ACE: variants seen among roughly 807,000 people sequenced by gnomAD.
ACE encodes angiotensin I converting enzyme.
A neutral mutation model predicts 162.3 loss-of-function variants in ACE; 122 were observed. That is an observed-to-expected ratio of 0.75 (90% CI 0.65 to 0.87). The LOEUF is 0.87. Ranked by LOEUF, ACE falls within the 40% of genes least tolerant of loss-of-function variation. The pLI, the probability that ACE is intolerant of heterozygous loss-of-function variation, is 0.00. For missense variants in ACE, 1,799 were observed against 1,735.1 expected (o/e 1.04, Z -0.65); for synonymous variants, 796 against 720.6 (o/e 1.10, Z -1.68).
chr17:63,497,816 T>G lies in ACE; in HGVS notation c.*450T>G. ...CCCTCCAGCCCAGGCAGCCCGCCAC[T>G]GTCCTGCCACCGCAGGCAGCCCCTG... On this transcript the variant is annotated 3_prime_UTR_variant, in exon 25 of 25. Transcript: ENST00000290866. 2.9e-6 allele frequency: 1 copy of G among 341,384 alleles called. No homozygotes were observed. The allele number at this position is 341,384 out of a possible 1,614,324, so 21.1% of individuals were successfully genotyped here. A position where few individuals can be genotyped will look rare whatever the true frequency, so the allele number is the denominator to read the frequency against.
In ACE at chr17:63,494,215, G is replaced by A. The variant is rs573640094; in HGVS notation, c.3281+149G>A. On this transcript the variant is annotated intron_variant, in intron 21 of 24. Coordinates refer to ENST00000290866, the MANE Select transcript of ACE (RefSeq NM_000789.4). ...ATATGATGTGTGTGGTGTAAGTGATGGGGAAAACGGGGTGATTGTGCACAG... is the reference window on the plus strand; with the variant it reads ...ATATGATGTGTGTGGTGTAAGTGATAGGGAAAACGGGGTGATTGTGCACAG... 1.2e-4 allele frequency: 154 copies of A among 1,312,594 alleles called. 2 individuals carry two copies. The South Asian group carries it at 1.8e-3, about 16-fold the overall frequency. 81.3% of individuals were successfully genotyped at this position (1,312,594 alleles called of 1,614,324 possible).
chr17:63,485,131 G>GA, intron 12 of ACE, 105 bp from the exon 13 acceptor site: 1 of 1,582,590 alleles, frequency 6.3e-7, no homozygotes, highest in Non-Finnish European at 8.6e-7. Flanking sequence ...GTAGGGACAG[G>GA]GCAGGGTACA....
At chr17:63,489,247 C>T (rs980764866) in intron 17 of ACE, 115 bp downstream of exon 17, 3 of 1,320,920 alleles carry the variant, frequency 2.3e-6, no homozygotes, top group African/African-American at 2.9e-5. Context: ...AGACTCCAGC[C>T]CTGTGGGGGA....
At chr17:63,486,817 CAA>C (rs1199568213) in intron 14 of ACE, 102 bp downstream of exon 14, 2 of 1,533,236 alleles carry the variant, frequency 1.3e-6, no homozygotes, top group Admixed American at 3.4e-5. Context: ...CTCGTTGTAT[CAA>C]GTCATGGCAT....
chr17:63,494,416 G>T lies in ACE; in HGVS notation c.3326G>T (p.Gly1109Val), dbSNP rs768468260. 3 of 1,614,208 alleles carry T rather than the reference G, an allele frequency of 1.9e-6. No homozygotes were observed. Among genetic ancestry groups the T allele is most frequent in the Non-Finnish European group, 2.5e-6 (3 of 1,180,038 alleles). The change falls in exon 22 of 25, where the codon GGT (glycine) becomes GTT (valine). Residue 1109 changes from glycine (G) to valine (V), a missense_variant. By Grantham distance (109) the Gly-to-Val change is moderately radical. Coordinates refer to ENST00000290866, the MANE Select transcript of ACE (RefSeq NM_000789.4). ...TGCCCCCCAGTGCCCAGGACTCAAGGTGACTTTGACCCAGGGGCCAAGTTC... is the reference window on the plus strand; with the variant it reads ...TGCCCCCCAGTGCCCAGGACTCAAGTTGACTTTGACCCAGGGGCCAAGTTC... ...GLCPPVPRTQ[G>V]DFDPGAKFHI...
In ACE at chr17:63,493,428, A is replaced by C. The variant is rs372489161; in HGVS notation, c.2913-8A>C. ...CCAACACCCTCTCCCCCACTCCACT[A>C]TTCCTAGGATCAAGCAGTGCACCAC... On this transcript the variant is annotated splice_polypyrimidine_tract_variant and splice_region_variant and intron_variant, in intron 19 of 24. Coordinates refer to ENST00000290866, the MANE Select transcript of ACE (RefSeq NM_000789.4). 2 of 1,612,798 alleles carry C rather than the reference A, an allele frequency of 1.2e-6. No homozygotes were observed. Among genetic ancestry groups the C allele is most frequent in the Admixed American group, 3.3e-5 (2 of 60,016 alleles).
chr17:63,489,548 C>T (rs952679883), intron 17 of ACE, among the ~76,000 whole-genome samples: 8 of 152,088 alleles, frequency 5.3e-5, no homozygotes, highest in African/African-American at 1.4e-4. Flanking sequence ...AGAGGACAGA[C>T]GCAGTGTTCA....
Position 63,493,583 on chromosome 17 carries a change from C to T in ACE, c.3060C>T (p.Asp1020=), listed in dbSNP as rs373427509. 1.4e-4 allele frequency: 221 copies of T among 1,614,062 alleles called. No individual in the cohort carries two copies. Among genetic ancestry groups the T allele is most frequent in the Non-Finnish European group, 1.8e-4 (208 of 1,180,032 alleles). ...ANPGFHEAIG[D]VLALSVSTPK... is the part of the protein sequence containing the mutation. ...CCGGCTTCCATGAGGCCATTGGGGA[C>T]GTGCTAGCCCTCTCAGTGTCTACGC... Residue 1020 remains aspartate (D), a synonymous_variant, in exon 20 of 25, where the codon GAC becomes GAT. Coordinates refer to ENST00000290866, the MANE Select transcript of ACE (RefSeq NM_000789.4).
In ACE at chr17:63,483,613, TCTC is replaced by T. The variant is rs973248305; in HGVS notation, c.1586+61_1586+63del. 213 of 1,162,848 alleles carry T rather than the reference TCTC, an allele frequency of 1.8e-4. 1 individual carries two copies. The South Asian group carries it at 2.0e-3, about 11-fold the overall frequency. The allele number at this position is 1,162,848 out of a possible 1,614,324, so 72.0% of individuals were successfully genotyped here. ...AGTACTGTCACACCCTCAATCCACT[TCTC>T]CTCCTGTGATCCTAGCTGCCTCATC... On this transcript the variant is annotated intron_variant, in intron 10 of 24. Transcript: ENST00000290866.
chr17:63,478,686 T>G, intron 2 of ACE: 1 of 426,540 alleles, frequency 2.3e-6, no homozygotes. Flanking sequence ...AGAGAAAAGG[T>G]TGAGAAAGAC....
At position 63,479,929 on chromosome 17, in the gene ACE, C is replaced by G. The variant is rs755497463; in HGVS notation, c.655+17C>G. 6.2e-7 allele frequency: 1 copy of G among 1,602,242 alleles called. No homozygotes were observed. The highest frequency in any genetic ancestry group is 1.1e-5 in the South Asian group (1 of 90,156). On this transcript the variant is annotated intron_variant, in intron 4 of 24. Transcript: ENST00000290866. ...AGCAGGACGGTGAGCAGGCCTCTCCCTGTCCAGGAACCACGCCAGGTGTCC... is the reference window on the plus strand; with the variant it reads ...AGCAGGACGGTGAGCAGGCCTCTCCGTGTCCAGGAACCACGCCAGGTGTCC...
At chr17:63,477,817 C>T (rs1210404602) in intron 1 of ACE, 114 bp from the exon 2 acceptor site, 1 of 1,357,698 alleles carries the variant, frequency 7.4e-7, no homozygotes, top group Admixed American at 2.1e-5. Flanking sequence ...TCCCCAGGGC[C>T]CGGGCTCTGG....
Position 63,493,543 on chromosome 17 carries a change from G to A in ACE, c.3020G>A (p.Arg1007Lys), listed in dbSNP as rs747362596. 1 of 1,614,176 alleles carries A rather than the reference G, an allele frequency of 6.2e-7. No homozygotes were observed. The highest frequency in any genetic ancestry group is 8.5e-7 in the Non-Finnish European group (1 of 1,180,050). ...TACAAAGACTTACCTGTGGCCTTGA[G>A]GGAGGGTGCCAACCCCGGCTTCCAT... ...MQYKDLPVAL[R>K]EGANPGFHEA... The change falls in exon 20 of 25, where the codon AGG becomes AAG. Residue 1007 changes from arginine to lysine, a missense_variant. Transcript: ENST00000290866.
At chr17:63,494,709 A>G (rs1445870995) in intron 22 of ACE, among the ~76,000 whole-genome samples, 1 of 152,230 alleles carries the variant, frequency 6.6e-6, no homozygotes, top group Non-Finnish European at 1.5e-5. Flanking sequence ...TCAACCTAAT[A>G]ATTGGCTAAT....
rs1462677061 is a variant in ACE at position 63,478,988 on chromosome 17, C to A, written c.418-19C>A. On this transcript the variant is annotated intron_variant, in intron 2 of 24. Coordinates refer to ENST00000290866, the MANE Select transcript of ACE (RefSeq NM_000789.4). Reference sequence around the variant, plus strand: ...CCAGGGGCTGGTCACTGGAGCATTCCTCCCCTCTGACTCCCCAGTACAACG... The same window carrying A: ...CCAGGGGCTGGTCACTGGAGCATTCATCCCCTCTGACTCCCCAGTACAACG... 1.2e-6 allele frequency: 2 copies of A among 1,606,944 alleles called. No homozygotes were observed. Among genetic ancestry groups the A allele is most frequent in the Non-Finnish European group, 1.7e-6 (2 of 1,174,832 alleles).
rs1243749510 is a variant in ACE at position 63,484,292 on chromosome 17, G to A, written c.1710-38G>A. ...GGGGTCCAGGAGCAGACTCCAGCCT[G>A]AGTCCCCTGTGCCCATGGTACCCAC... On this transcript the variant is annotated intron_variant, in intron 11 of 24. Transcript: ENST00000290866. This position sits in a 1 kb window ranked among gnomAD's most constrained non-coding sequence, Gnocchi z 4.0. 26 of 1,590,868 alleles carry A rather than the reference G, an allele frequency of 1.6e-5. No homozygotes were observed. The Admixed American group carries it at 4.3e-4, about 26-fold the overall frequency.
In ACE at chr17:63,480,339, T is replaced by G. The variant is rs772619837; in HGVS notation, c.658T>G (p.Phe220Val). 1 of 1,613,696 alleles carries G rather than the reference T, an allele frequency of 6.2e-7. No homozygotes were observed. The highest frequency in any genetic ancestry group is 2.2e-5 in the East Asian group (1 of 44,890). The change falls in exon 5 of 25, where the codon TTC becomes GTC. Residue 220 changes from phenylalanine (F) to valine (V), a missense_variant and splice_region_variant. By Grantham distance (50) the Phe-to-Val change is conservative. Coordinates refer to ENST00000290866, the MANE Select transcript of ACE (RefSeq NM_000789.4). Reference sequence around the variant, plus strand: ...ATACCTCACCCCCACGCCCCCAGGCTTCACAGACACGGGGGCCTACTGGCG... The same window carrying G: ...ATACCTCACCCCCACGCCCCCAGGCGTCACAGACACGGGGGCCTACTGGCG... ...LSNEAYKQDG[F>V]TDTGAYWRSW... is the part of the protein sequence containing the mutation.
rs769230286 is a variant in ACE at position 63,483,876 on chromosome 17, C to G, written c.1614C>G (p.Phe538Leu). The stretch of plus-strand genomic sequence containing the variant: ...ACTTTGTGAGTTTTGTCCTGCAGTT[C>G]CAGTTCCATGAAGCCCTGTGCAAGG... ...IRYFVSFVLQ[F>L]QFHEALCKEA... is the part of the protein sequence containing the mutation. The change falls in exon 11 of 25, where the codon TTC (phenylalanine) becomes TTG (leucine). Residue 538 changes from phenylalanine to leucine, a missense_variant. Phe to Leu is a conservative substitution (Grantham distance 22). Coordinates refer to ENST00000290866, the MANE Select transcript of ACE (RefSeq NM_000789.4). The G allele has an allele frequency of 1.2e-6, 2 of 1,614,148 alleles. No individual in the cohort carries two copies. Among genetic ancestry groups the G allele is most frequent in the South Asian group, 1.1e-5 (1 of 91,070 alleles).
chr17:63,497,046 C>T lies in ACE; in HGVS notation c.3691+61C>T, dbSNP rs561138347. The T allele has an allele frequency of 2.6e-5, 41 of 1,589,850 alleles. No homozygotes were observed. In the East Asian group the frequency reaches 9.2e-4, roughly 35 times the overall value. On this transcript the variant is annotated intron_variant, in intron 24 of 24. Transcript: ENST00000290866. ...TAACCCCCTCCCCAGGCTGGGCAGC[C>T]ATGCGGCTGACCTCGGAGCCTGGCC...
Sources: allele counts gnomAD v4.1 joint callset (sites outside exome capture counted in the v4.1 genomes callset), GRCh38; gene constraint gnomAD v4.1.1; non-coding constraint Gnocchi (gnomAD v3.1); transcripts MANE v1.5; gene names NCBI Gene and HGNC (gene_info 2026-07-23, HGNC 2026-07-21).